The following NDUFAF2 variants were observed in gnomAD, a reference collection of about 807,000 sequenced individuals.
NDUFAF2 encodes NADH dehydrogenase [ubiquinone] 1 alpha subcomplex assembly factor 2.
Under a neutral mutation model 22.8 loss-of-function variants are expected in NDUFAF2, and 13 were observed. The ratio of observed to expected loss-of-function variants is 0.57; its 90% CI spans 0.37 to 0.91. NDUFAF2 has a LOEUF of 0.91. Ranked by LOEUF, NDUFAF2 falls within the 40% of genes least tolerant of loss-of-function variation. NDUFAF2 has a pLI of 0.01. For missense variants in NDUFAF2, 162 were observed against 195.2 expected (o/e 0.83, Z 1.01); for synonymous variants, 53 against 64.2 (o/e 0.83, Z 0.84).
chr5:61,032,669 G>A (rs887842918), intron 1 of NDUFAF2, among the ~76,000 whole-genome samples: 8 of 152,114 alleles, frequency 5.3e-5, no homozygotes, highest in Non-Finnish European at 1.2e-4. Flanking sequence ...GATGCCTCCA[G>A]CTTTGTTCTT....
chr5:61,027,298 CT>C (rs150340157), intron 1 of NDUFAF2, among the ~76,000 whole-genome samples: 27,020 of 135,860 alleles, frequency 0.2, 3,181 homozygotes, highest in Non-Finnish European at 0.29. Flanking sequence ...TACACGTGGA[CT>C]TTTTTTTTTT....
At chr5:60,995,699 A>G (rs1455684648) in intron 1 of NDUFAF2, among the ~76,000 whole-genome samples, 1 of 152,176 alleles carries the variant, frequency 6.6e-6, no homozygotes, top group African/African-American at 2.4e-5. Context: ...TACTGCCTAT[A>G]TGTACTCAAG....
At chr5:60,997,902 T>C (rs1211107885) in intron 1 of NDUFAF2, among the ~76,000 whole-genome samples, 1 of 152,186 alleles carries the variant, frequency 6.6e-6, no homozygotes, top group East Asian at 1.9e-4. Flanking sequence ...ATCCTAGATT[T>C]TGGTTCATTG....
At chr5:61,149,857 C>T (rs1741201108) in intron 3 of NDUFAF2, among the ~76,000 whole-genome samples, 1 of 152,110 alleles carries the variant, frequency 6.6e-6, no homozygotes. Context: ...GTCTACAATT[C>T]CTATCCTGTT....
chr5:61,006,489 G>A (rs1313637588), intron 1 of NDUFAF2, among the ~76,000 whole-genome samples: 1 of 152,122 alleles, frequency 6.6e-6, no homozygotes, highest in African/African-American at 2.4e-5. Flanking sequence ...AAAGTCATTG[G>A]TAGCTTGATG....
intron 1 of NDUFAF2, among the ~76,000 whole-genome samples, chr5:60,971,997 C>A (rs1192876104): frequency 1.4e-5 from 2 of 140,608 alleles, no homozygotes; most frequent in East Asian, 4.4e-4. Context: ...GGCTGGAGTG[C>A]AGTGGTGTGA....
intron 3 of NDUFAF2, among the ~76,000 whole-genome samples, chr5:61,135,699 A>G (rs1238014362): frequency 2.0e-5 from 3 of 152,024 alleles, no homozygotes; most frequent in Non-Finnish European, 4.4e-5. Context: ...ACTGCTCTGG[A>G]TATAATTGCC....
chr5:61,094,495 C>T (rs1561563133), intron 2 of NDUFAF2, among the ~76,000 whole-genome samples: 1 of 152,154 alleles, frequency 6.6e-6, no homozygotes, highest in Non-Finnish European at 1.5e-5. Flanking sequence ...GTCATTTCAG[C>T]CATCTCAGCT....
At chr5:60,973,458 A>G (rs1282595803) in intron 1 of NDUFAF2, among the ~76,000 whole-genome samples, 1 of 152,176 alleles carries the variant, frequency 6.6e-6, no homozygotes, top group Non-Finnish European at 1.5e-5. Flanking sequence ...AAAATATAAC[A>G]CAAAGATGTT....
chr5:60,996,232 G>T (rs1299220403), intron 1 of NDUFAF2, among the ~76,000 whole-genome samples: 1 of 152,074 alleles, frequency 6.6e-6, no homozygotes, highest in Non-Finnish European at 1.5e-5. Flanking sequence ...GTTACTCAGG[G>T]CTCAAGTGCT....
At chr5:61,121,933 C>T (rs2111799791) in intron 3 of NDUFAF2, among the ~76,000 whole-genome samples, 1 of 151,566 alleles carries the variant, frequency 6.6e-6, no homozygotes, top group African/African-American at 2.4e-5. Context: ...CAGGTTCAAG[C>T]AATTCCCGTG....
chr5:60,963,973 C>T (rs1473370866), intron 1 of NDUFAF2, among the ~76,000 whole-genome samples: 1 of 152,098 alleles, frequency 6.6e-6, no homozygotes, highest in Non-Finnish European at 1.5e-5. Context: ...TTTGCTTTCA[C>T]TGTGAATAAA....
rs1192576747 is a variant in NDUFAF2 at position 61,112,901 on chromosome 5, T to TG, written c.258+13870dup. ...TTTTAGTTTATTCTTTTTTTTTTTT[T>TG]GTATCTGTTGTATGTTTTTACATTT... On this transcript the variant is annotated intron_variant, in intron 3 of 3. Coordinates refer to ENST00000296597, the MANE Select transcript of NDUFAF2 (RefSeq NM_174889.5). 6.6e-5 allele frequency among the ~76,000 whole-genome samples: 10 copies of TG among 151,200 alleles called. No homozygotes were observed. In the East Asian group the frequency reaches 1.9e-3, roughly 29 times the overall value.
At chr5:61,056,036 C>T (rs963230791) in intron 1 of NDUFAF2, among the ~76,000 whole-genome samples, 4 of 152,032 alleles carry the variant, frequency 2.6e-5, no homozygotes, top group South Asian at 2.1e-4. Context: ...ATTATTGACA[C>T]GTTGCTAAAT....
chr5:61,016,539 C>A (rs187461787), intron 1 of NDUFAF2, among the ~76,000 whole-genome samples: 2 of 152,084 alleles, frequency 1.3e-5, no homozygotes, highest in African/African-American at 4.8e-5. Flanking sequence ...GAATTTGAAG[C>A]TTTCTTCTTT....
intron 1 of NDUFAF2, among the ~76,000 whole-genome samples, chr5:61,022,302 T>C (rs1430732564): frequency 1.3e-5 from 2 of 152,224 alleles, no homozygotes; most frequent in Non-Finnish European, 2.9e-5. Flanking sequence ...CGTAACATAT[T>C]CTTGCATTCC....
intron 1 of NDUFAF2, among the ~76,000 whole-genome samples, chr5:61,031,868 C>T (rs962041485): frequency 2.0e-5 from 3 of 152,184 alleles, no homozygotes; most frequent in Admixed American, 6.5e-5. Context: ...TCTGTTTCTC[C>T]ACATCCTCTC....
chr5:61,071,802 G>A (rs1412880371), intron 1 of NDUFAF2, among the ~76,000 whole-genome samples: 1 of 152,166 alleles, frequency 6.6e-6, no homozygotes, highest in Non-Finnish European at 1.5e-5. Flanking sequence ...TAAATAGTAG[G>A]AAGTAGAAAG....
chr5:61,042,734 A>G (rs1006580066), intron 1 of NDUFAF2, among the ~76,000 whole-genome samples: 1 of 152,236 alleles, frequency 6.6e-6, no homozygotes, highest in African/African-American at 2.4e-5. Context: ...ACAGAAACCA[A>G]CTTTAAAAAT....
Sources: allele counts gnomAD v4.1 joint callset (sites outside exome capture counted in the v4.1 genomes callset), GRCh38; gene constraint gnomAD v4.1.1; transcripts MANE v1.5; gene names NCBI Gene and HGNC (gene_info 2026-07-23, HGNC 2026-07-21).